LINGO2: variants seen among roughly 807,000 people sequenced by gnomAD.
LINGO2 encodes the protein leucine-rich repeat and immunoglobulin-like domain-containing nogo receptor-interacting protein 2.
A neutral mutation model predicts 30.6 loss-of-function variants in LINGO2; 14 were observed. The ratio of observed to expected loss-of-function variants is 0.46; its 90% CI spans 0.30 to 0.72. The LOEUF (loss-of-function observed/expected upper bound fraction) is 0.72, where lower values mean the gene tolerates loss of function less well. LINGO2 is among the 30% of genes least tolerant of loss of function. The probability of loss-of-function intolerance (pLI) is 0.07; values close to 1 mark genes in which losing one functional copy is unlikely to be tolerated. For synonymous variants in LINGO2, 317 were observed against 288.5 expected, an observed-to-expected ratio of 1.10 and a Z score of -1.00; for missense variants, 729 against 751.7, an observed-to-expected ratio of 0.97 and a Z score of 0.35.
At chr9:29,199,518 GA>G in the LINGO2 span, among the ~76,000 whole-genome samples, 550 of 152,210 alleles carry the variant, frequency 3.6e-3, 2 homozygotes, top group African/African-American at 0.013. Context: ...AACCCTAGAA[GA>G]GTCAGAGGCA....
intron 3 of LINGO2, among the ~76,000 whole-genome samples, chr9:28,308,775 A>T (rs1176384235): frequency 1.3e-5 from 2 of 152,110 alleles, no homozygotes; most frequent in Non-Finnish European, 2.9e-5. Flanking sequence ...GGTGAAGGAC[A>T]TGAACAGACT....
At chr9:28,175,517 G>C (rs1162609034) in intron 4 of LINGO2, among the ~76,000 whole-genome samples, 2 of 152,198 alleles carry the variant, frequency 1.3e-5, no homozygotes, top group East Asian at 3.9e-4. Flanking sequence ...TCCTCAATGA[G>C]ACATTGCCAA....
At chr9:28,199,342 T>TTCCTCCTCCTCCTCCTCC (rs1564036477) in intron 4 of LINGO2, among the ~76,000 whole-genome samples, 1 of 132,950 alleles carries the variant, frequency 7.5e-6, no homozygotes, top group African/African-American at 2.6e-5. Context: ...CTTCTTCTTC[T>TTCCTCCTCCTCCTCCTCC]TCTTTTTTTT....
chr9:28,885,213 C>A, the LINGO2 span, among the ~76,000 whole-genome samples: 3 of 147,640 alleles, frequency 2.0e-5, no homozygotes, highest in Admixed American at 1.4e-4. Flanking sequence ...CTAATAATTG[C>A]AACGGTGCCC....
At chr9:29,015,321 A>G in the LINGO2 span, among the ~76,000 whole-genome samples, 99 of 152,176 alleles carry the variant, frequency 6.5e-4, 1 homozygote, top group Admixed American at 5.2e-3. Context: ...AATTCTTGAA[A>G]GTTTTGCACA....
intron 1 of LINGO2, among the ~76,000 whole-genome samples, chr9:28,643,732 A>G (rs1355989387): frequency 6.6e-6 from 1 of 152,044 alleles, no homozygotes; most frequent in Non-Finnish European, 1.5e-5. Flanking sequence ...GAAACAATCA[A>G]TGCAGTAAAG....
chr9:29,166,835 A>G, the LINGO2 span, among the ~76,000 whole-genome samples: 4 of 152,100 alleles, frequency 2.6e-5, no homozygotes, highest in Admixed American at 2.6e-4. Context: ...CAGCACCTCA[A>G]AATTCATTTA....
intron 2 of LINGO2, among the ~76,000 whole-genome samples, chr9:28,411,890 A>G (rs1822777963): frequency 6.6e-6 from 1 of 152,132 alleles, no homozygotes; most frequent in Non-Finnish European, 1.5e-5. Flanking sequence ...TTAACAGTGT[A>G]CAAAGTTTCA....
At chr9:28,585,810 T>C (rs1824505057) in intron 1 of LINGO2, among the ~76,000 whole-genome samples, 1 of 152,080 alleles carries the variant, frequency 6.6e-6, no homozygotes, top group Non-Finnish European at 1.5e-5. Flanking sequence ...TTTTTGTTGT[T>C]GGTTCACTTG....
At chr9:28,743,508 T>C in the LINGO2 span, among the ~76,000 whole-genome samples, 1 of 152,000 alleles carries the variant, frequency 6.6e-6, no homozygotes, top group African/African-American at 2.4e-5. Flanking sequence ...GCAAGGGACA[T>C]GAACTCATCC....
intron 3 of LINGO2, among the ~76,000 whole-genome samples, chr9:28,305,954 A>T (rs565097037): frequency 6.6e-6 from 1 of 152,064 alleles, no homozygotes; most frequent in Non-Finnish European, 1.5e-5. Flanking sequence ...CTCTCTCTAA[A>T]TCATAGAAAA....
intron 2 of LINGO2, among the ~76,000 whole-genome samples, chr9:28,385,633 C>G (rs1821547747): frequency 1.3e-5 from 2 of 152,072 alleles, no homozygotes; most frequent in African/African-American, 4.8e-5. Flanking sequence ...GATAAATATT[C>G]AAAACATAAA....
chr9:28,092,520 G>A (rs559874536), intron 4 of LINGO2, among the ~76,000 whole-genome samples: 12 of 145,568 alleles, frequency 8.2e-5, no homozygotes, highest in Middle Eastern at 7.0e-3. Context: ...CACAGAAAGA[G>A]GAACATCACA....
chr9:28,663,633 T>C (rs777518578), intron 1 of LINGO2, among the ~76,000 whole-genome samples: 5 of 152,210 alleles, frequency 3.3e-5, no homozygotes, highest in African/African-American at 4.8e-5. Context: ...CTCTGCTTCA[T>C]ATCTCCAAAG....
chr9:28,789,080 C>T, the LINGO2 span, among the ~76,000 whole-genome samples: 1 of 151,914 alleles, frequency 6.6e-6, no homozygotes, highest in Non-Finnish European at 1.5e-5. Context: ...TAAATGTATT[C>T]CTGGTTTCAG....
chr9:27,949,279 C>T lies in LINGO2; in HGVS notation c.1393G>A (p.Asp465Asn), dbSNP rs139346811. 3.8e-4 allele frequency: 617 copies of T among 1,614,112 alleles called. 2 individuals are homozygous for T. Among genetic ancestry groups the T allele is most frequent in the Non-Finnish European group, 1.2e-4 (146 of 1,180,006 alleles). ...GCAAAGCGGATTTCCAAGGTGCCAT[C>T]ACCCAACACGGTGGCTCTTCCATTG... The change falls in exon 6 of 6, where the codon GAT (aspartate) becomes AAT (asparagine). Residue 465 changes from aspartate to asparagine, a missense_variant. Physicochemically the swap from Asp to Asn is conservative, Grantham distance 23. Transcript: ENST00000379992.
chr9:29,026,399 T>C, the LINGO2 span, among the ~76,000 whole-genome samples: 1 of 152,166 alleles, frequency 6.6e-6, no homozygotes, highest in East Asian at 1.9e-4. Context: ...TTTTTATAAA[T>C]GATCCTTTGG....
At chr9:28,218,370 T>C (rs4305988) in intron 4 of LINGO2, among the ~76,000 whole-genome samples, 129,639 of 151,368 alleles carry the variant, frequency 0.86, 55,757 homozygotes, top group Non-Finnish European at 0.9. Flanking sequence ...ACGAAGTGGA[T>C]CATGCCCTCC....
chr9:28,911,713 T>C, the LINGO2 span, among the ~76,000 whole-genome samples: 1 of 152,224 alleles, frequency 6.6e-6, no homozygotes, highest in East Asian at 1.9e-4. Flanking sequence ...TTCTAAAATA[T>C]TAAAAGGTTA....
Sources: allele counts gnomAD v4.1 joint callset (sites outside exome capture counted in the v4.1 genomes callset), GRCh38; gene constraint gnomAD v4.1.1; transcripts MANE v1.5; gene names NCBI Gene and HGNC (gene_info 2026-07-23, HGNC 2026-07-21).